The following ADGRG6 variants were observed in gnomAD, a reference collection of about 807,000 sequenced individuals.
ADGRG6 encodes the protein adhesion G protein-coupled receptor G6.
A neutral mutation model predicts 142.4 loss-of-function variants in ADGRG6; 84 were observed. That is an observed-to-expected ratio of 0.59 (90% CI 0.49 to 0.71). The LOEUF (loss-of-function observed/expected upper bound fraction) is 0.71, where lower values mean the gene tolerates loss of function less well. Ranked by LOEUF, ADGRG6 falls within the 30% of genes least tolerant of loss-of-function variation. ADGRG6 has a pLI of 0.00. For synonymous variants in ADGRG6, 521 were observed against 520.5 expected (o/e 1.00, Z -0.01); for missense variants, 1,367 against 1,466.6 (o/e 0.93, Z 1.11).
intron 20 of ADGRG6, among the ~76,000 whole-genome samples, chr6:142,416,941 T>G (rs1582659440): frequency 6.6e-6 from 1 of 152,206 alleles, no homozygotes; most frequent in East Asian, 1.9e-4. Flanking sequence ...CAAGGCTTAA[T>G]TAATGAAACC....
intron 10 of ADGRG6, 26 bp from the exon 11 acceptor site, chr6:142,400,459 T>C (rs1171894530): frequency 1.8e-6 from 2 of 1,085,460 alleles, no homozygotes; most frequent in Middle Eastern, 4.0e-4. Flanking sequence ...TGAATATTTC[T>C]CATGCTGGTT....
intron 24 of ADGRG6, among the ~76,000 whole-genome samples, chr6:142,441,434 C>T (rs1240138622): frequency 1.3e-5 from 2 of 152,046 alleles, no homozygotes; most frequent in Non-Finnish European, 2.9e-5. Context: ...TATCCCTAGC[C>T]CCTGGTTTTC....
At chr6:142,356,852 G>C (rs1210705324) in intron 2 of ADGRG6, among the ~76,000 whole-genome samples, 1 of 152,160 alleles carries the variant, frequency 6.6e-6, no homozygotes, top group Non-Finnish European at 1.5e-5. Flanking sequence ...CAAAAGGAAG[G>C]TGATTTAGTC....
chr6:142,351,610 A>G (rs1040777486), intron 2 of ADGRG6, among the ~76,000 whole-genome samples: 1 of 152,220 alleles, frequency 6.6e-6, no homozygotes, highest in African/African-American at 2.4e-5. Flanking sequence ...CTGGAAGACA[A>G]CCTAGGAAAT....
intron 17 of ADGRG6, among the ~76,000 whole-genome samples, chr6:142,411,023 T>G (rs1776052117): frequency 6.6e-6 from 1 of 152,190 alleles, no homozygotes; most frequent in Admixed American, 6.6e-5. Context: ...AAGTTCATTT[T>G]AAAATATGTT....
intron 2 of ADGRG6, among the ~76,000 whole-genome samples, chr6:142,315,794 G>T (rs1338679063): frequency 2.6e-5 from 4 of 151,494 alleles, no homozygotes; most frequent in Non-Finnish European, 5.9e-5. Context: ...TCGTGCTGTT[G>T]CACTCTAGCC....
At chr6:142,413,598 T>C (rs1776204825) in intron 18 of ADGRG6, among the ~76,000 whole-genome samples, 1 of 152,166 alleles carries the variant, frequency 6.6e-6, no homozygotes, top group Non-Finnish European at 1.5e-5. Flanking sequence ...TTGTGACACA[T>C]CACTTGGCAA....
intron 2 of ADGRG6, among the ~76,000 whole-genome samples, chr6:142,341,438 TTA>T (rs1181741972): frequency 2.7e-4 from 33 of 120,244 alleles, no homozygotes; most frequent in African/African-American, 3.5e-4. Flanking sequence ...ATATATATAA[TTA>T]TATATATAGT....
At chr6:142,425,876 G>A (rs2115131869) in intron 22 of ADGRG6, among the ~76,000 whole-genome samples, 1 of 152,274 alleles carries the variant, frequency 6.6e-6, no homozygotes, top group South Asian at 2.1e-4. Context: ...CAAAGAGAGA[G>A]TTTGTGCAGA....
intron 2 of ADGRG6, among the ~76,000 whole-genome samples, chr6:142,353,529 A>C (rs897127657): frequency 2.0e-5 from 3 of 152,212 alleles, no homozygotes; most frequent in Non-Finnish European, 2.9e-5. Flanking sequence ...CAACAAAGAC[A>C]GCAAAGGGAT....
intron 2 of ADGRG6, among the ~76,000 whole-genome samples, chr6:142,355,369 T>A (rs944836520): frequency 3.9e-5 from 6 of 152,126 alleles, no homozygotes; most frequent in Non-Finnish European, 4.4e-5. Context: ...CCTATTATTA[T>A]TTCAAAATGA....
intron 22 of ADGRG6, among the ~76,000 whole-genome samples, chr6:142,423,162 T>G (rs1258797852): frequency 5.0e-5 from 7 of 141,212 alleles, no homozygotes; most frequent in South Asian, 5.0e-4. Flanking sequence ...AGAAGCTCTT[T>G]AGTTTAATTA....
rs770972022 is a variant in ADGRG6 at position 142,309,566 on chromosome 6, T to C, written c.25T>C (p.Trp9Arg). The C allele has an allele frequency of 6.2e-7, 1 of 1,609,178 alleles. No homozygotes were observed. The highest frequency in any genetic ancestry group is 1.3e-5 in the African/African-American group (1 of 74,842). Residue 9 changes from tryptophan (W) to arginine (R), a missense_variant, in exon 2 of 25, where the codon TGG becomes CGG. Trp to Arg is a moderately radical substitution (Grantham distance 101). This residue lies in a region of ADGRG6 where 737 missense variants were observed against 746.5 expected (regional missense o/e 0.99). Transcript: ENST00000367609. ...CAGGATGTTTCGCTCAGATCGAATG[T>C]GGAGCTGCCATTGGAAATGGAAGCC... is the stretch of plus-strand genomic sequence containing the variant. MMFRSDRM[W>R]SCHWKWKPSP...
chr6:142,367,519 T>C (rs1175413152), intron 2 of ADGRG6, 50 bp from the exon 3 acceptor site: 1 of 1,355,578 alleles, frequency 7.4e-7, no homozygotes, highest in African/African-American at 1.4e-5. Flanking sequence ...GTTTATTGCA[T>C]GCATCTGAAC....
At chr6:142,324,718 CATTT>C (rs1240333661) in intron 2 of ADGRG6, among the ~76,000 whole-genome samples, 2 of 152,094 alleles carry the variant, frequency 1.3e-5, no homozygotes, top group Non-Finnish European at 2.9e-5. Flanking sequence ...CTCCATCTGT[CATTT>C]GGAATTCTGT....
At chr6:142,396,709 A>G (rs1448708059) in intron 9 of ADGRG6, among the ~76,000 whole-genome samples, 3 of 152,178 alleles carry the variant, frequency 2.0e-5, no homozygotes, top group African/African-American at 7.2e-5. Flanking sequence ...TCCTCTGAAT[A>G]TGAAGAAGAA....
intron 3 of ADGRG6, among the ~76,000 whole-genome samples, chr6:142,368,647 CT>C (rs903778955): frequency 1.3e-5 from 2 of 151,350 alleles, no homozygotes; most frequent in African/African-American, 4.9e-5. Flanking sequence ...TCTGAACTTT[CT>C]AAGTAAAAAC....
intron 6 of ADGRG6, among the ~76,000 whole-genome samples, chr6:142,387,509 G>A (rs994136579): frequency 1.3e-5 from 2 of 152,176 alleles, no homozygotes; most frequent in Admixed American, 1.3e-4. Context: ...GCTGCAGGAT[G>A]CCAGTCATAT....
At chr6:142,434,805 C>G (rs1172189916) in intron 22 of ADGRG6, among the ~76,000 whole-genome samples, 2 of 152,132 alleles carry the variant, frequency 1.3e-5, no homozygotes, top group African/African-American at 4.8e-5. Flanking sequence ...CACCAAACAA[C>G]AAGCTAAACC....
Sources: gnomAD v4.1 joint callset for allele counts (sites outside exome capture counted in the v4.1 genomes callset) on GRCh38, gnomAD v4.1.1 for gene constraint, gnomAD v4.1.1 regional missense constraint, MANE v1.5 for transcripts, NCBI Gene and HGNC (gene_info 2026-07-23, HGNC 2026-07-21) for gene names.